Variants in HMGB1 observed in about 807,000 individuals in gnomAD.
HMGB1 encodes high mobility group protein B1.
For synonymous variants in HMGB1, 81 were observed against 84.0 expected (o/e 0.96, Z 0.19); for missense variants, 79 against 253.5 (o/e 0.31, Z 4.67).
At chr13:30,548,525 T>C (rs149820604) in intron 1 of HMGB1, among the ~76,000 whole-genome samples, 2 of 152,338 alleles carry the variant, frequency 1.3e-5, no homozygotes, top group East Asian at 3.9e-4. Context: ...TAGCGAACAG[T>C]GTCTATTACA....
upstream of HMGB1, among the ~76,000 whole-genome samples, chr13:30,466,224 G>C (rs1332590263): frequency 6.6e-6 from 1 of 152,104 alleles, no homozygotes; most frequent in Non-Finnish European, 1.5e-5. Flanking sequence ...CGGAGCGGCC[G>C]CCGGAGCGAA....
chr13:30,487,607 G>A (rs1442160891), intron 1 of HMGB1, among the ~76,000 whole-genome samples: 1 of 152,072 alleles, frequency 6.6e-6, no homozygotes, highest in Non-Finnish European at 1.5e-5. Context: ...CAAGCTAAAT[G>A]ACTTTTTTCC....
upstream of HMGB1, among the ~76,000 whole-genome samples, chr13:30,466,558 C>T (rs1277419038): frequency 6.6e-6 from 1 of 152,180 alleles, no homozygotes; most frequent in African/African-American, 2.4e-5. Flanking sequence ...TAAAATACCC[C>T]TTTTCTGGGC....
At chr13:30,507,990 C>G (rs1200268980) in intron 1 of HMGB1, among the ~76,000 whole-genome samples, 1 of 151,998 alleles carries the variant, frequency 6.6e-6, no homozygotes, top group Non-Finnish European at 1.5e-5. Context: ...GAGTGAGACT[C>G]TCTCTCTAAA....
At chr13:30,464,486 G>C in intron 1 of HMGB1, 1 of 985,062 alleles carries the variant, frequency 1.0e-6, no homozygotes, top group Non-Finnish European at 1.2e-6. Context: ...CCCGCCCCTA[G>C]AACTTCGCCG....
chr13:30,566,427 C>T (rs1362525111), intron 1 of HMGB1, among the ~76,000 whole-genome samples: 1 of 152,330 alleles, frequency 6.6e-6, no homozygotes, highest in Non-Finnish European at 1.5e-5. Flanking sequence ...CAACCCTCCA[C>T]AATACATACA....
chr13:30,492,612 C>T (rs1174976425), intron 1 of HMGB1, among the ~76,000 whole-genome samples: 1 of 152,104 alleles, frequency 6.6e-6, no homozygotes, highest in Non-Finnish European at 1.5e-5. Context: ...AAAATGATGA[C>T]AATACCAAGT....
chr13:30,478,453 C>T lies in HMGB1; in HGVS notation c.-14-14759G>A, dbSNP rs181870644. On this transcript the variant is annotated intron_variant, in intron 1 of 4. Coordinates refer to the HMGB1 transcript ENST00000405805. Reference sequence around the variant, plus strand: ...TTTGGCTAAATGCATTTTAATCTGCCTTTATGATGCATTATTATCATTATA... The same window carrying T: ...TTTGGCTAAATGCATTTTAATCTGCTTTTATGATGCATTATTATCATTATA... Among the ~76,000 whole-genome samples the T allele has an allele frequency of 5.3e-5, 8 of 152,232 alleles. No individual in the cohort carries two copies. The East Asian group carries it at 7.7e-4, about 15-fold the overall frequency.
intron 1 of HMGB1, among the ~76,000 whole-genome samples, chr13:30,558,667 A>G (rs888882279): frequency 6.6e-6 from 1 of 152,230 alleles, no homozygotes; most frequent in Admixed American, 6.5e-5. Flanking sequence ...CCAAAAAGAC[A>G]TTCTGACAGA....
intron 1 of HMGB1, among the ~76,000 whole-genome samples, chr13:30,493,993 T>C (rs191936120): frequency 1.3e-3 from 191 of 151,948 alleles, no homozygotes; most frequent in African/African-American, 4.3e-3. Flanking sequence ...TAATAAATGC[T>C]AGCCTTTATT....
At chr13:30,603,345 A>T (rs1950422003) in intron 1 of HMGB1, among the ~76,000 whole-genome samples, 1 of 152,126 alleles carries the variant, frequency 6.6e-6, no homozygotes, top group Admixed American at 6.5e-5. Flanking sequence ...TGGAAGTATC[A>T]AGGAGGCAGT....
At chr13:30,584,409 C>T (rs1394472363) in intron 1 of HMGB1, among the ~76,000 whole-genome samples, 3 of 152,180 alleles carry the variant, frequency 2.0e-5, no homozygotes, top group African/African-American at 7.2e-5. Flanking sequence ...TTCTCTGCTA[C>T]ATTATTCCAA....
chr13:30,608,614 G>A (rs1434970964), intron 1 of HMGB1, among the ~76,000 whole-genome samples: 2 of 152,262 alleles, frequency 1.3e-5, no homozygotes, highest in South Asian at 2.1e-4. Flanking sequence ...CTTTCCATTT[G>A]GGATTTGGCT....
intron 1 of HMGB1, among the ~76,000 whole-genome samples, chr13:30,610,590 A>G (rs765443106): frequency 9.2e-5 from 14 of 152,254 alleles, no homozygotes; most frequent in Non-Finnish European, 1.6e-4. Flanking sequence ...AATTAGTTAA[A>G]TAACAGAAGT....
chr13:30,471,688 G>T (rs1886943432), intron 1 of HMGB1, among the ~76,000 whole-genome samples: 1 of 56,724 alleles, frequency 1.8e-5, no homozygotes. Flanking sequence ...TTTTTTTTGA[G>T]ATGGAGTTTC....
intron 1 of HMGB1, among the ~76,000 whole-genome samples, chr13:30,514,297 A>G (rs1888055045): frequency 2.0e-5 from 3 of 151,150 alleles, no homozygotes; most frequent in African/African-American, 7.3e-5. Context: ...GTAGGGGTTT[A>G]GAGCTCAATC....
chr13:30,491,852 A>G (rs1444675954), intron 1 of HMGB1, among the ~76,000 whole-genome samples: 1 of 152,168 alleles, frequency 6.6e-6, no homozygotes, highest in Non-Finnish European at 1.5e-5. Context: ...AAACCTTGTC[A>G]ACACTTAAAA....
chr13:30,513,895 G>A (rs1410275269), intron 1 of HMGB1, among the ~76,000 whole-genome samples: 2 of 152,086 alleles, frequency 1.3e-5, no homozygotes, highest in South Asian at 2.1e-4. Flanking sequence ...TGCATCTAGC[G>A]AGTCACCAGA....
chr13:30,516,021 T>C (rs1381364378), intron 1 of HMGB1, among the ~76,000 whole-genome samples: 1 of 152,202 alleles, frequency 6.6e-6, no homozygotes, highest in African/African-American at 2.4e-5. Context: ...ACACTCCACC[T>C]TCCCCCCTCA....
Sources: gnomAD v4.1 joint callset for allele counts (sites outside exome capture counted in the v4.1 genomes callset) on GRCh38, gnomAD v4.1.1 for gene constraint, MANE v1.5 for transcripts, NCBI Gene and HGNC (gene_info 2026-07-23, HGNC 2026-07-21) for gene names.